PDE6C: variants seen among roughly 807,000 people sequenced by gnomAD.
PDE6C encodes the protein phosphodiesterase 6C, also known as cone cGMP-specific 3',5'-cyclic phosphodiesterase subunit alpha'.
A neutral mutation model predicts 113.1 loss-of-function variants in PDE6C; 75 were observed. That is an observed-to-expected ratio of 0.66 (90% CI 0.55 to 0.80). PDE6C has a LOEUF of 0.80. Among genes scored for constraint, PDE6C ranks in the 30% least tolerant of loss-of-function variants. The pLI, the probability that PDE6C is intolerant of heterozygous loss-of-function variation, is 0.00. For missense variants in PDE6C, 912 were observed against 1,038.6 expected, an observed-to-expected ratio of 0.88 and a Z score of 1.67; for synonymous variants, 375 against 363.7, an observed-to-expected ratio of 1.03 and a Z score of -0.35.
At chr10:93,629,349 A>G in intron 8 of PDE6C, 44 bp downstream of exon 8, 3 of 1,432,030 alleles carry the variant, frequency 2.1e-6, no homozygotes, top group Non-Finnish European at 2.0e-6. Flanking sequence ...GGGCTGGGGT[A>G]GAGGAGTGGA....
rs2058450807 is a variant in PDE6C, at chr10:93,622,335, C to T, written c.864+263C>T. 2.0e-5 allele frequency among the ~76,000 whole-genome samples: 3 copies of T among 151,446 alleles called. No homozygotes were observed. The South Asian group carries it at 6.2e-4, about 31-fold the overall frequency. On this transcript the variant is annotated intron_variant, in intron 4 of 21. Coordinates refer to ENST00000371447, the MANE Select transcript of PDE6C (RefSeq NM_006204.4). ...TAGACTATTTTTAGAGTAGTATTGA[C>T]AGAAAAATTGATTATAAAGTACGGA...
At chr10:93,655,984 A>C in intron 16 of PDE6C, 124 bp downstream of exon 16, 1 of 725,794 alleles carries the variant, frequency 1.4e-6, no homozygotes, top group Non-Finnish European at 2.6e-6. Context: ...ACAGACACAC[A>C]CACACACATA....
rs181700066 is a variant in PDE6C, at chr10:93,636,605, C to A, written c.1414-390C>A. On this transcript the variant is annotated intron_variant, in intron 10 of 21. Coordinates refer to ENST00000371447, the MANE Select transcript of PDE6C (RefSeq NM_006204.4). ...CTTTCCTACATGCAAACAACCCACA[C>A]CTCTTTAAAAAAACCAGCTACTGTA... Among the ~76,000 whole-genome samples the A allele has an allele frequency of 6.6e-5, 10 of 151,152 alleles. No individual in the cohort carries two copies. In the East Asian group the frequency reaches 1.9e-3, roughly 29 times the overall value.
Position 93,637,040 on chromosome 10 carries a change from GA to G in PDE6C, c.1464del (p.Lys488AsnfsTer7). ...TGTTGATGTAATTGACGACTGTGAA[GA>G]AAAACAACTTGTTGCAATTTTGGTA... ...LNVDVIDDCE[E>X]KQLVAILKED... On this transcript the variant is annotated frameshift_variant, in exon 11 of 22. Coordinates refer to ENST00000371447, the MANE Select transcript of PDE6C (RefSeq NM_006204.4). LOFTEE classifies it high-confidence loss of function. 6.2e-7 allele frequency: 1 copy of G among 1,602,980 alleles called. No individual in the cohort carries two copies. Among genetic ancestry groups the G allele is most frequent in the Non-Finnish European group, 8.5e-7 (1 of 1,170,198 alleles).
At chr10:93,644,864 T>C (rs1223296) in intron 14 of PDE6C, among the ~76,000 whole-genome samples, 31,046 of 139,886 alleles carry the variant, frequency 0.22, 3,528 homozygotes, top group Admixed American at 0.3. Context: ...AGTGTATATA[T>C]ATAGTACATA....
At chr10:93,641,916 G>T (rs2134613195) in intron 14 of PDE6C, among the ~76,000 whole-genome samples, 1 of 152,290 alleles carries the variant, frequency 6.6e-6, no homozygotes, top group African/African-American at 2.4e-5. Context: ...GATTCACTGG[G>T]TCACAAATTA....
intron 10 of PDE6C, among the ~76,000 whole-genome samples, chr10:93,635,947 TGCTGCATAACAACAACCCTAAC>T (rs1442401596): frequency 6.6e-6 from 1 of 152,220 alleles, no homozygotes; most frequent in African/African-American, 2.4e-5. Flanking sequence ...TGTCATATAA[TGCTGCATAACAACAACCCTAAC>T]GCCTCAGTGT....
rs192072780 is a variant in PDE6C at position 93,641,566 on chromosome 10, C to G, written c.1847+537C>G. Among the ~76,000 whole-genome samples, 948 of 152,200 alleles carry G rather than the reference C, an allele frequency of 6.2e-3. 8 individuals are homozygous for G. The highest frequency in any genetic ancestry group is 8.3e-3 in the Non-Finnish European group (567 of 67,994). ...CTCTGAGGTAGGAGAAACACTTGAA[C>G]CCAGGAGGCAGAGGTTGTAGTGAGC... On this transcript the variant is annotated intron_variant, in intron 14 of 21. Transcript: ENST00000371447.
At chr10:93,646,133 C>T (rs1472555365) in intron 15 of PDE6C, 86 bp downstream of exon 15, 3 of 807,330 alleles carry the variant, frequency 3.7e-6, no homozygotes, top group Non-Finnish European at 6.6e-6. Context: ...AAAGGGTGGC[C>T]TTGAGTTACA....
chr10:93,656,915 AAT>A (rs1157250679), intron 16 of PDE6C, among the ~76,000 whole-genome samples: 5 of 152,140 alleles, frequency 3.3e-5, no homozygotes, highest in Non-Finnish European at 7.4e-5. Flanking sequence ...AAATACTAAG[AAT>A]AATAAAATGG....
In PDE6C at chr10:93,613,315, G is replaced by C. The variant is rs773818398; in HGVS notation, c.480+110G>C. The C allele has an allele frequency of 1.6e-5, 23 of 1,446,986 alleles. No individual in the cohort carries two copies. In the East Asian group the frequency reaches 2.4e-4, roughly 15 times the overall value. 89.6% of individuals were successfully genotyped at this position (1,446,986 alleles called of 1,614,324 possible). Reference sequence around the variant, plus strand: ...GGCATTAGTTTGGCAATAACCGGGGGAATGTGGGTGGCAGGGAAGAGGATC... The same window carrying C: ...GGCATTAGTTTGGCAATAACCGGGGCAATGTGGGTGGCAGGGAAGAGGATC... On this transcript the variant is annotated intron_variant, in intron 1 of 21. Transcript: ENST00000371447.
intron 1 of PDE6C, among the ~76,000 whole-genome samples, chr10:93,618,519 T>G (rs1019214438): frequency 6.6e-6 from 1 of 152,294 alleles, no homozygotes; most frequent in South Asian, 2.1e-4. Context: ...AAGAGTTGGT[T>G]TGTGTGTTTC....
intron 21 of PDE6C, among the ~76,000 whole-genome samples, chr10:93,665,067 C>T (rs956949074): frequency 6.6e-6 from 1 of 152,098 alleles, no homozygotes; most frequent in African/African-American, 2.4e-5. Context: ...CAGGGTTTCA[C>T]CATATTGACC....
chr10:93,659,559 T>C (rs2058656494), intron 18 of PDE6C, among the ~76,000 whole-genome samples: 1 of 152,070 alleles, frequency 6.6e-6, no homozygotes, highest in Non-Finnish European at 1.5e-5. Flanking sequence ...CTCACAATCA[T>C]GGTGGAAGAT....
intron 15 of PDE6C, among the ~76,000 whole-genome samples, chr10:93,653,320 T>C (rs1461427051): frequency 2.0e-5 from 3 of 152,134 alleles, no homozygotes; most frequent in Admixed American, 6.6e-5. Flanking sequence ...ATATGTACAA[T>C]AGACTTCTGT....
Position 93,662,642 on chromosome 10 carries a change from A to AG in PDE6C, c.2367+1dup. ...GATTTTGTTTGTACTTTTGTATATA[A>AG]GGTAAGTAAGCAAATTATTTGAATT... On this transcript the variant is annotated frameshift_variant and splice_region_variant, in exon 20 of 22. Coordinates refer to ENST00000371447, the MANE Select transcript of PDE6C (RefSeq NM_006204.4). LOFTEE classifies it high-confidence loss of function. 1 of 1,223,746 alleles carries AG rather than the reference A, an allele frequency of 8.2e-7. No homozygotes were observed. The highest frequency in any genetic ancestry group is 1.2e-6 in the Non-Finnish European group (1 of 824,356). 75.8% of individuals were successfully genotyped at this position (1,223,746 alleles called of 1,614,324 possible).
chr10:93,658,184 A>AAG (rs1554891860), intron 16 of PDE6C, among the ~76,000 whole-genome samples: 1 of 144,014 alleles, frequency 6.9e-6, no homozygotes, highest in Non-Finnish European at 1.5e-5. Flanking sequence ...AAAAAAAAAA[A>AAG]AAAAAAAAGA....
At chr10:93,626,739 C>T (rs549222856) in intron 6 of PDE6C, 35 bp downstream of exon 6, 55 of 1,602,214 alleles carry the variant, frequency 3.4e-5, no homozygotes, top group South Asian at 1.8e-4. Flanking sequence ...CCGCAGTTGC[C>T]GTTGTATTTT....
intron 16 of PDE6C, among the ~76,000 whole-genome samples, chr10:93,657,328 A>ATTTTT (rs71031526): frequency 2.9e-4 from 26 of 88,284 alleles, no homozygotes; most frequent in Non-Finnish European, 4.5e-4. Context: ...CGCCTGGCTA[A>ATTTTT]TTTTTTTTTT....
Sources: allele counts gnomAD v4.1 joint callset (sites outside exome capture counted in the v4.1 genomes callset), GRCh38; gene constraint gnomAD v4.1.1; transcripts MANE v1.5; gene names NCBI Gene and HGNC (gene_info 2026-07-23, HGNC 2026-07-21).